The following KCTD1 variants were observed in gnomAD, a reference collection of about 807,000 sequenced individuals.
The protein encoded by KCTD1 is BTB/POZ domain-containing protein KCTD1.
Under a neutral mutation model 66.0 loss-of-function variants are expected in KCTD1, and 24 were observed. That is an observed-to-expected ratio of 0.36 (90% CI 0.26 to 0.51). The LOEUF (loss-of-function observed/expected upper bound fraction) is 0.51, where lower values mean the gene tolerates loss of function less well. Ranked by LOEUF, KCTD1 falls within the 20% of genes least tolerant of loss-of-function variation. The probability of loss-of-function intolerance (pLI) is 0.95; values close to 1 mark genes in which losing one functional copy is unlikely to be tolerated. For missense variants in KCTD1, 943 were observed against 1,205.2 expected (o/e 0.78, Z 3.22); for synonymous variants, 511 against 517.2 (o/e 0.99, Z 0.16).
intron 1 of KCTD1, among the ~76,000 whole-genome samples, chr18:26,656,284 T>G (rs1263008981): frequency 1.3e-5 from 2 of 152,046 alleles, no homozygotes; most frequent in African/African-American, 4.8e-5. Flanking sequence ...AGCCATTACC[T>G]GCAGCGCTCG....
chr18:26,550,289 A>T (rs1228574080), upstream of KCTD1, among the ~76,000 whole-genome samples: 1 of 151,868 alleles, frequency 6.6e-6, no homozygotes, highest in Non-Finnish European at 1.5e-5. The surrounding 1 kb of genome is among the most constrained non-coding windows in gnomAD (Gnocchi z 5.4). Flanking sequence ...CTTGCTCTCA[A>T]GGGAAGCATT....
At chr18:26,626,160 A>C (rs917176254) in intron 1 of KCTD1, among the ~76,000 whole-genome samples, 4 of 144,528 alleles carry the variant, frequency 2.8e-5, no homozygotes, top group Non-Finnish European at 4.5e-5. Context: ...GAGCCAAAAA[A>C]AAAAACAAAA....
intron 1 of KCTD1, 70 bp downstream of exon 1, chr18:26,546,658 C>T (rs1985234252): frequency 2.7e-6 from 4 of 1,468,448 alleles, no homozygotes; most frequent in Admixed American, 5.0e-5. Flanking sequence ...CCCAGAGCTG[C>T]ATTAGCACAA....
chr18:26,602,474 C>T (rs1365538995), intron 1 of KCTD1, among the ~76,000 whole-genome samples: 1 of 152,138 alleles, frequency 6.6e-6, no homozygotes, highest in Non-Finnish European at 1.5e-5. Context: ...GGGAATTGTT[C>T]TCTCCTCTTT....
At chr18:26,556,189 T>C (rs184737401) in intron 1 of KCTD1, among the ~76,000 whole-genome samples, 143 of 152,320 alleles carry the variant, frequency 9.4e-4, no homozygotes, top group Admixed American at 2.5e-3. Context: ...TTCTATTTCT[T>C]TAATTTGATG....
At chr18:26,457,101 G>C (rs1980131122) in intron 4 of KCTD1, 1 of 149,862 alleles carries the variant, frequency 6.7e-6, no homozygotes, top group Admixed American at 6.7e-5. Context: ...AGATGAGATG[G>C]GAAAGCAAGA....
At chr18:26,598,091 C>T (rs182172274) in intron 1 of KCTD1, among the ~76,000 whole-genome samples, 3 of 152,128 alleles carry the variant, frequency 2.0e-5, no homozygotes, top group Admixed American at 2.0e-4. Context: ...TCCTAGCAAC[C>T]ACTAATCAAT....
intron 1 of KCTD1, among the ~76,000 whole-genome samples, chr18:26,522,273 T>C (rs1360346079): frequency 6.6e-6 from 1 of 152,196 alleles, no homozygotes; most frequent in African/African-American, 2.4e-5. Flanking sequence ...AGGGGAAACT[T>C]GGATACAGAC....
At chr18:26,508,772 C>T (rs1419105774) in intron 1 of KCTD1, among the ~76,000 whole-genome samples, 1 of 151,760 alleles carries the variant, frequency 6.6e-6, no homozygotes, top group Admixed American at 6.6e-5. Flanking sequence ...ATATGGCATA[C>T]TTGGATATGG....
rs183109601 is a variant in KCTD1 at position 26,514,186 on chromosome 18, C to T, written c.1810-12936G>A. On this transcript the variant is annotated intron_variant, in intron 1 of 4. Transcript: ENST00000580059. ...GTGATGCTTTTAAAAAATAAAGTAACGATCTCTTGTAAGCAGAATCGGTGC... is the reference window on the plus strand; with the variant it reads ...GTGATGCTTTTAAAAAATAAAGTAATGATCTCTTGTAAGCAGAATCGGTGC... Among the ~76,000 whole-genome samples, 16 of 152,160 alleles carry T rather than the reference C, an allele frequency of 1.1e-4. No individual in the cohort carries two copies. In the East Asian group the frequency reaches 1.9e-3, roughly 18 times the overall value.
chr18:26,578,475 T>G (rs1395898227), intron 1 of KCTD1, among the ~76,000 whole-genome samples: 4 of 152,232 alleles, frequency 2.6e-5, no homozygotes, highest in Non-Finnish European at 4.4e-5. Context: ...TGAAGAATTA[T>G]AAAGAACTTC....
intron 1 of KCTD1, 80 bp downstream of exon 1, chr18:26,546,647 AC>A (rs1985233769): frequency 7.0e-7 from 1 of 1,435,688 alleles, no homozygotes; most frequent in African/African-American, 1.4e-5. Context: ...CTTCCCCCCT[AC>A]CCAGAGCTGC....
chr18:26,504,305 T>C (rs1022700527), intron 1 of KCTD1, among the ~76,000 whole-genome samples: 2 of 152,120 alleles, frequency 1.3e-5, no homozygotes, highest in Non-Finnish European at 2.9e-5. Context: ...TTTCAGTTCA[T>C]TGCAACCTCC....
intron 3 of KCTD1, among the ~76,000 whole-genome samples, chr18:26,461,381 C>A (rs189916713): frequency 1.3e-5 from 2 of 152,326 alleles, no homozygotes; most frequent in East Asian, 3.9e-4. Context: ...TTCCTGGCAA[C>A]CCCCTTACCA....
intron 1 of KCTD1, among the ~76,000 whole-genome samples, chr18:26,508,843 C>A (rs993156977): frequency 6.6e-6 from 1 of 152,110 alleles, no homozygotes; most frequent in Non-Finnish European, 1.5e-5. Context: ...AGGCAAGGAT[C>A]TTGCTTCCTG....
chr18:26,643,769 T>C (rs564894755), upstream of KCTD1, among the ~76,000 whole-genome samples: 87 of 152,302 alleles, frequency 5.7e-4, no homozygotes, highest in Admixed American at 2.3e-3. Flanking sequence ...GAGACCATCC[T>C]GGCTAACACG....
At chr18:26,507,097 T>C (rs1598904780) in intron 1 of KCTD1, among the ~76,000 whole-genome samples, 1 of 151,974 alleles carries the variant, frequency 6.6e-6, no homozygotes. Context: ...ACCTGGGAGG[T>C]GGCGGTTTCA....
intron 1 of KCTD1, among the ~76,000 whole-genome samples, chr18:26,599,252 AG>A (rs1208960740): frequency 6.6e-6 from 1 of 152,170 alleles, no homozygotes; most frequent in African/African-American, 2.4e-5. Flanking sequence ...TTCCAGCAAA[AG>A]TTGTTGAAAA....
intron 1 of KCTD1, among the ~76,000 whole-genome samples, chr18:26,503,292 G>A (rs1197051321): frequency 1.3e-5 from 2 of 151,974 alleles, no homozygotes; most frequent in East Asian, 3.9e-4. Flanking sequence ...AGTTAAAGGG[G>A]TATTGGGTAT....
Sources: allele counts gnomAD v4.1 joint callset (sites outside exome capture counted in the v4.1 genomes callset), GRCh38; gene constraint gnomAD v4.1.1; non-coding constraint Gnocchi (gnomAD v3.1); transcripts MANE v1.5; gene names NCBI Gene and HGNC (gene_info 2026-07-23, HGNC 2026-07-21).